ATP6V1H: variants seen among roughly 807,000 people sequenced by gnomAD.
ATP6V1H encodes ATPase H+ transporting V1 subunit H.
A neutral mutation model predicts 71.7 loss-of-function variants in ATP6V1H; 39 were observed. The ratio of observed to expected loss-of-function variants is 0.54; its 90% CI spans 0.42 to 0.71. The LOEUF is 0.71. Among genes scored for constraint, ATP6V1H ranks in the 30% least tolerant of loss-of-function variants. The pLI, the probability that ATP6V1H is intolerant of heterozygous loss-of-function variation, is 0.00. For synonymous variants in ATP6V1H, 192 were observed against 199.3 expected (o/e 0.96, Z 0.31); for missense variants, 509 against 594.9 (o/e 0.86, Z 1.50).
intron 12 of ATP6V1H, among the ~76,000 whole-genome samples, chr8:53,744,555 TAATGC>T (rs1376078567): frequency 2.0e-5 from 3 of 152,182 alleles, no homozygotes; most frequent in Admixed American, 1.3e-4. Context: ...AGCGGCACCT[TAATGC>T]AGTACAGTGT....
chr8:53,739,998 G>A (rs1807357199), intron 13 of ATP6V1H, among the ~76,000 whole-genome samples: 2 of 152,190 alleles, frequency 1.3e-5, no homozygotes, highest in Admixed American at 1.3e-4. Context: ...CAGATGTGAT[G>A]TGGAAGGGGA....
chr8:53,840,705 A>G (rs1811318585), intron 2 of ATP6V1H, among the ~76,000 whole-genome samples: 1 of 152,214 alleles, frequency 6.6e-6, no homozygotes. Flanking sequence ...TGTACATTAT[A>G]GATCCCTCCT....
At chr8:53,734,773 C>T (rs912697474) in intron 13 of ATP6V1H, among the ~76,000 whole-genome samples, 3 of 152,242 alleles carry the variant, frequency 2.0e-5, no homozygotes, top group East Asian at 1.9e-4. Flanking sequence ...CACCCGCTAC[C>T]GGGCGTCAGT....
chr8:53,743,009 T>C (rs1807470868), intron 13 of ATP6V1H, among the ~76,000 whole-genome samples: 1 of 152,234 alleles, frequency 6.6e-6, no homozygotes, highest in Admixed American at 6.5e-5. Context: ...TCACCATGTC[T>C]AAGTAGTTAC....
chr8:53,737,741 GGATTTA>G (rs1430105512), intron 13 of ATP6V1H, among the ~76,000 whole-genome samples: 1 of 152,108 alleles, frequency 6.6e-6, no homozygotes, highest in Non-Finnish European at 1.5e-5. Context: ...TCATCTAAGA[GGATTTA>G]GATTTAAAAA....
intron 4 of ATP6V1H, among the ~76,000 whole-genome samples, chr8:53,828,276 T>C (rs1318891509): frequency 1.3e-5 from 2 of 152,168 alleles, no homozygotes; most frequent in African/African-American, 2.4e-5. Flanking sequence ...GTAAACACAC[T>C]GAGGATAAGA....
At position 53,808,689 on chromosome 8, in the gene ATP6V1H, T is replaced by C. The variant is rs532759442; in HGVS notation, c.579+2475A>G. ...TGGGATGGGGGTCAGAGGTTGGTGG[T>C]GGTGGTTGGGCTGAGGCTGGAGGAT... On this transcript the variant is annotated intron_variant, in intron 7 of 13. Coordinates refer to ENST00000359530, the MANE Select transcript of ATP6V1H (RefSeq NM_015941.4). Among the ~76,000 whole-genome samples, 336 of 151,170 alleles carry C rather than the reference T, an allele frequency of 2.2e-3. 2 individuals carry two copies. Among genetic ancestry groups the C allele is most frequent in the African/African-American group, 7.9e-3 (325 of 41,100 alleles).
chr8:53,767,443 C>T (rs1808508599), intron 11 of ATP6V1H, among the ~76,000 whole-genome samples: 1 of 152,150 alleles, frequency 6.6e-6, no homozygotes, highest in African/African-American at 2.4e-5. Flanking sequence ...TAGTAATTCT[C>T]ACACTGTGTG....
At chr8:53,716,058 A>G (rs986085336) in intron 13 of ATP6V1H, 34 bp from the exon 14 acceptor site, 1 of 1,557,054 alleles carries the variant, frequency 6.4e-7, no homozygotes, top group African/African-American at 1.3e-5. Flanking sequence ...GAGAATGAGA[A>G]TTTCAATAGC....
intron 9 of ATP6V1H, among the ~76,000 whole-genome samples, chr8:53,785,966 GT>G (rs941148337): frequency 2.0e-5 from 3 of 152,212 alleles, no homozygotes; most frequent in African/African-American, 7.2e-5. Flanking sequence ...ATGCCTCCCA[GT>G]TAGGCTACTC....
intron 9 of ATP6V1H, among the ~76,000 whole-genome samples, chr8:53,772,779 T>A (rs1351724926): frequency 2.0e-5 from 3 of 151,850 alleles, no homozygotes; most frequent in South Asian, 2.1e-4. Flanking sequence ...TAAGCTGTCA[T>A]GGAATTAAGC....
intron 12 of ATP6V1H, among the ~76,000 whole-genome samples, chr8:53,752,714 C>T (rs1330931786): frequency 2.6e-5 from 4 of 152,242 alleles, no homozygotes; most frequent in African/African-American, 7.2e-5. Context: ...CCACACCCAG[C>T]TAATTTTTCT....
At chr8:53,788,979 G>A (rs1809475555) in intron 9 of ATP6V1H, among the ~76,000 whole-genome samples, 1 of 152,188 alleles carries the variant, frequency 6.6e-6, no homozygotes, top group African/African-American at 2.4e-5. Flanking sequence ...TAAACAAAAT[G>A]CAAAGGTTCT....
At chr8:53,778,340 C>T (rs1046439071) in intron 9 of ATP6V1H, among the ~76,000 whole-genome samples, 9 of 152,096 alleles carry the variant, frequency 5.9e-5, no homozygotes, top group African/African-American at 2.2e-4. Flanking sequence ...ATGTTGGGAA[C>T]ATTTGAATTA....
chr8:53,820,184 C>CT (rs1810599808), intron 4 of ATP6V1H, among the ~76,000 whole-genome samples: 1 of 151,778 alleles, frequency 6.6e-6, no homozygotes, highest in African/African-American at 2.4e-5. Context: ...AAAATAAACT[C>CT]TAACTATGAA....
At position 53,715,918 on chromosome 8, in the gene ATP6V1H, C is replaced by T; in HGVS notation, c.*46G>A. 1 of 1,560,194 alleles carries T rather than the reference C, an allele frequency of 6.4e-7. No individual in the cohort carries two copies. The highest frequency in any genetic ancestry group is 8.8e-7 in the Non-Finnish European group (1 of 1,140,376). ...CTCTTAACTCTAAACACAGTGCTCCCACTACTGGTTCTGCATTGAGGCGGA... is the reference window on the plus strand; with the variant it reads ...CTCTTAACTCTAAACACAGTGCTCCTACTACTGGTTCTGCATTGAGGCGGA... On this transcript the variant is annotated 3_prime_UTR_variant, in exon 14 of 14. Transcript: ENST00000359530.
rs150740492 is a variant in ATP6V1H at position 53,715,827 on chromosome 8, T to C, written c.*137A>G. 2.0e-4 allele frequency: 127 copies of C among 626,014 alleles called. No homozygotes were observed. In the East Asian group the frequency reaches 3.8e-3, roughly 19 times the overall value. The allele number at this position is 626,014 out of a possible 1,614,324, so 38.8% of individuals were successfully genotyped here. ...AAACATGTTATTTTGTTGTTGTTGTTTGGAAATTAGCATTGGGAAAAGCTA... is the reference window on the plus strand; with the variant it reads ...AAACATGTTATTTTGTTGTTGTTGTCTGGAAATTAGCATTGGGAAAAGCTA... On this transcript the variant is annotated 3_prime_UTR_variant, in exon 14 of 14. Transcript: ENST00000359530.
At chr8:53,770,900 T>C (rs1471010756) in intron 10 of ATP6V1H, among the ~76,000 whole-genome samples, 1 of 152,236 alleles carries the variant, frequency 6.6e-6, no homozygotes, top group Non-Finnish European at 1.5e-5. Flanking sequence ...TTATAATCAA[T>C]GTATCCATAT....
At chr8:53,801,182 C>A (rs1447386798) in intron 8 of ATP6V1H, among the ~76,000 whole-genome samples, 1 of 152,092 alleles carries the variant, frequency 6.6e-6, no homozygotes, top group Non-Finnish European at 1.5e-5. Context: ...CCTCACCCAC[C>A]AAGCAACTTA....
Sources: allele counts gnomAD v4.1 joint callset (sites outside exome capture counted in the v4.1 genomes callset), GRCh38; gene constraint gnomAD v4.1.1; transcripts MANE v1.5; gene names NCBI Gene and HGNC (gene_info 2026-07-23, HGNC 2026-07-21).